The following CHST8 variants were observed in gnomAD, a reference collection of about 807,000 sequenced individuals.
CHST8 encodes the protein carbohydrate sulfotransferase 8.
Under a neutral mutation model 15.0 loss-of-function variants are expected in CHST8, and 10 were observed. The ratio of observed to expected loss-of-function variants is 0.67; its 90% CI spans 0.41 to 1.13. CHST8 has a LOEUF of 1.13. Among genes scored for constraint, CHST8 ranks in the 50% most tolerant of loss-of-function variants. The pLI is 0.00. For missense variants in CHST8, 634 were observed against 608.2 expected (o/e 1.04, Z -0.45); for synonymous variants, 259 against 256.6 (o/e 1.01, Z -0.09).
chr19:33,728,694 G>T (rs1293828048), intron 3 of CHST8, among the ~76,000 whole-genome samples: 1 of 152,212 alleles, frequency 6.6e-6, no homozygotes, highest in African/African-American at 2.4e-5. Context: ...AGCCACACAT[G>T]CTCAGAGTAC....
chr19:33,745,922 GC>G (rs1369019095), intron 3 of CHST8, among the ~76,000 whole-genome samples: 3 of 152,208 alleles, frequency 2.0e-5, no homozygotes, highest in Non-Finnish European at 4.4e-5. Context: ...CTGGCTCCCA[GC>G]CCCTGCTGTC....
intron 3 of CHST8, among the ~76,000 whole-genome samples, chr19:33,708,033 AT>A (rs1198772062): frequency 6.6e-6 from 1 of 152,210 alleles, no homozygotes; most frequent in Non-Finnish European, 1.5e-5. Context: ...TCATGTGCTT[AT>A]TAGCCATTTG....
At chr19:33,626,631 C>T (rs1376956767) in intron 1 of CHST8, among the ~76,000 whole-genome samples, 1 of 152,142 alleles carries the variant, frequency 6.6e-6, no homozygotes, top group Non-Finnish European at 1.5e-5. Flanking sequence ...CTAGCACCTA[C>T]CCCCTACCTC....
intron 3 of CHST8, among the ~76,000 whole-genome samples, chr19:33,763,454 C>T (rs950011166): frequency 2.0e-5 from 3 of 152,336 alleles, no homozygotes; most frequent in Admixed American, 6.5e-5. Context: ...ACAGAGCTGT[C>T]ATCAGGGCCC....
intron 2 of CHST8, among the ~76,000 whole-genome samples, chr19:33,669,246 C>T (rs1972703451): frequency 1.3e-5 from 2 of 152,184 alleles, no homozygotes; most frequent in Admixed American, 6.5e-5. Context: ...TTCACATTGT[C>T]ACAGAGTTCA....
Position 33,657,165 on chromosome 19 carries a change from ATATACT to A in CHST8, c.-163-10596_-163-10591del, listed in dbSNP as rs1335294068. On this transcript the variant is annotated intron_variant, in intron 1 of 4. Transcript: ENST00000650847. ...CACACACACACACACACAAACACAC[ATATACT>A]TATACACACATACACATACACACAT... 6.7e-4 allele frequency among the ~76,000 whole-genome samples: 102 copies of A among 151,818 alleles called. 2 individuals are homozygous for A. The East Asian group carries it at 0.015, about 23-fold the overall frequency.
intron 3 of CHST8, among the ~76,000 whole-genome samples, chr19:33,728,779 G>A (rs544727930): frequency 2.0e-5 from 3 of 152,186 alleles, no homozygotes; most frequent in Non-Finnish European, 4.4e-5. Context: ...CCACTTCTTC[G>A]AGCTCCCTGG....
intron 3 of CHST8, among the ~76,000 whole-genome samples, chr19:33,703,483 T>C (rs1973384092): frequency 6.6e-6 from 1 of 152,224 alleles, no homozygotes; most frequent in Non-Finnish European, 1.5e-5. Context: ...ACGGTGGTAG[T>C]TATGACAACA....
chr19:33,684,838 G>A (rs1972947980), intron 2 of CHST8: 1 of 152,188 alleles, frequency 6.6e-6, no homozygotes, highest in African/African-American at 2.4e-5. Flanking sequence ...GCGGCAGAAG[G>A]CACGGTGCCG....
intron 3 of CHST8, among the ~76,000 whole-genome samples, chr19:33,695,372 G>A (rs1259228931): frequency 6.6e-6 from 1 of 152,178 alleles, no homozygotes; most frequent in Non-Finnish European, 1.5e-5. Flanking sequence ...GATGAGCCAG[G>A]CACAATCACA....
intron 1 of CHST8, among the ~76,000 whole-genome samples, chr19:33,627,107 GGC>G (rs1972064999): frequency 8.8e-6 from 1 of 113,444 alleles, no homozygotes; most frequent in Non-Finnish European, 1.8e-5. Flanking sequence ...TTGGGGGGGG[GGC>G]GGGTGGGGTG....
chr19:33,728,931 T>C (rs950888653), intron 3 of CHST8, among the ~76,000 whole-genome samples: 6 of 152,218 alleles, frequency 3.9e-5, no homozygotes, highest in Non-Finnish European at 7.3e-5. Flanking sequence ...GTCTGACTTC[T>C]GGCCCTGCCC....
intron 1 of CHST8, among the ~76,000 whole-genome samples, chr19:33,653,721 C>T (rs1040947682): frequency 1.3e-5 from 2 of 152,210 alleles, no homozygotes; most frequent in Non-Finnish European, 2.9e-5. Flanking sequence ...TCAGTTTACT[C>T]ATCTATATAA....
At chr19:33,652,372 CTTTTTTTTTTTTT>C (rs971053736) in intron 1 of CHST8, among the ~76,000 whole-genome samples, 2 of 100,614 alleles carry the variant, frequency 2.0e-5, no homozygotes, top group African/African-American at 7.5e-5. Flanking sequence ...TTTTCTCTCT[CTTTTTTTTTTTTT>C]TTTTTTTTGA....
At chr19:33,757,520 A>AAGAGAGAGAGAGAG in intron 3 of CHST8, among the ~76,000 whole-genome samples, 1 of 20,692 alleles carries the variant, frequency 4.8e-5, no homozygotes, top group East Asian at 1.6e-3. Context: ...GAAAGAAAGA[A>AAGAGAGAGAGAGAG]AGAGAAAGAA....
intron 3 of CHST8, among the ~76,000 whole-genome samples, chr19:33,739,372 C>T (rs1188954104): frequency 1.3e-5 from 2 of 152,224 alleles, no homozygotes; most frequent in African/African-American, 4.8e-5. Flanking sequence ...AGCCATCCCT[C>T]CCTGCCTTCC....
chr19:33,668,594 G>A (rs1366656731), intron 2 of CHST8, among the ~76,000 whole-genome samples: 2 of 151,524 alleles, frequency 1.3e-5, no homozygotes, highest in Admixed American at 1.3e-4. Flanking sequence ...CCTCTGGCAA[G>A]TGTATGAGAA....
chr19:33,704,583 C>T (rs899378012), intron 3 of CHST8, among the ~76,000 whole-genome samples: 2 of 152,216 alleles, frequency 1.3e-5, no homozygotes, highest in Admixed American at 1.3e-4. Context: ...GTGGCCAGGT[C>T]ATCCTTTTTG....
intron 1 of CHST8, among the ~76,000 whole-genome samples, chr19:33,650,501 C>CTTTTCTTTTTTTTTTTT (rs1972424942): frequency 2.0e-5 from 1 of 50,928 alleles, no homozygotes; most frequent in African/African-American, 7.1e-5. Context: ...TTTTCTTTTT[C>CTTTTCTTTTTTTTTTTT]TTTTTCTTTT....
Sources: gnomAD v4.1 joint callset for allele counts (sites outside exome capture counted in the v4.1 genomes callset) on GRCh38, gnomAD v4.1.1 for gene constraint, MANE v1.5 for transcripts, NCBI Gene and HGNC (gene_info 2026-07-23, HGNC 2026-07-21) for gene names.